The following STK3 variants were observed in gnomAD, a reference collection of about 807,000 sequenced individuals.
The protein encoded by STK3 is serine/threonine-protein kinase 3.
Under a neutral mutation model 58.0 loss-of-function variants are expected in STK3, and 41 were observed. That is an observed-to-expected ratio of 0.71 (90% CI 0.55 to 0.92). The LOEUF is 0.92. Among genes scored for constraint, STK3 ranks in the 40% least tolerant of loss-of-function variants. The pLI, the probability that STK3 is intolerant of heterozygous loss-of-function variation, is 0.00. For missense variants in STK3, 479 were observed against 602.7 expected, an observed-to-expected ratio of 0.79 and a Z score of 2.15; for synonymous variants, 170 against 191.0, an observed-to-expected ratio of 0.89 and a Z score of 0.91.
chr8:98,368,017 C>A (rs916399465), downstream of STK3, among the ~76,000 whole-genome samples: 21 of 152,174 alleles, frequency 1.4e-4, no homozygotes, highest in African/African-American at 5.1e-4. Flanking sequence ...TGCGCTGTGT[C>A]ATTGACAGCT....
intron 6 of STK3, among the ~76,000 whole-genome samples, chr8:98,605,707 T>C (rs1816718880): frequency 1.3e-5 from 2 of 152,186 alleles, no homozygotes; most frequent in African/African-American, 4.8e-5. Flanking sequence ...AAGTACAATA[T>C]GGCTTGGCTC....
At chr8:98,848,614 T>C (rs1331074548) in intron 3 of STK3, among the ~76,000 whole-genome samples, 1 of 152,232 alleles carries the variant, frequency 6.6e-6, no homozygotes, top group Non-Finnish European at 1.5e-5. Flanking sequence ...ATGTGGTGCT[T>C]TGTGACTGGC....
intron 1 of STK3, among the ~76,000 whole-genome samples, chr8:98,924,891 A>G (rs1485889358): frequency 6.6e-6 from 1 of 152,222 alleles, no homozygotes; most frequent in African/African-American, 2.4e-5. Flanking sequence ...CACTGTGCCC[A>G]TAAAATGCCT....
At chr8:98,780,164 TATTATA>T (rs1281522537) in intron 1 of STK3, among the ~76,000 whole-genome samples, 3 of 151,570 alleles carry the variant, frequency 2.0e-5, no homozygotes, top group East Asian at 1.9e-4. Flanking sequence ...ATATTTTACC[TATTATA>T]ATTATATGTT....
intron 10 of STK3, among the ~76,000 whole-genome samples, chr8:98,488,252 T>C (rs998879821): frequency 6.6e-6 from 1 of 152,220 alleles, no homozygotes; most frequent in Admixed American, 6.5e-5. Flanking sequence ...ATAGAGCTGC[T>C]GGCAAAAGTG....
intron 6 of STK3, among the ~76,000 whole-genome samples, chr8:98,693,354 C>T (rs567908312): frequency 1.3e-5 from 2 of 151,964 alleles, no homozygotes; most frequent in East Asian, 3.9e-4. Flanking sequence ...GCCATGTTCA[C>T]GCCACTCCAG....
chr8:98,621,594 C>A (rs1282636881), intron 6 of STK3, among the ~76,000 whole-genome samples: 1 of 152,088 alleles, frequency 6.6e-6, no homozygotes, highest in African/African-American at 2.4e-5. Flanking sequence ...ATTCTGAGAT[C>A]ATTCAATACC....
At chr8:98,395,992 A>G (rs190170321) in intron 3 of STK3, among the ~76,000 whole-genome samples, 46 of 152,338 alleles carry the variant, frequency 3.0e-4, no homozygotes, top group Non-Finnish European at 1.8e-4. Flanking sequence ...TACCATCCAG[A>G]TCTATACAAC....
chr8:98,350,478 C>T, the STK3 span, among the ~76,000 whole-genome samples: 1 of 152,284 alleles, frequency 6.6e-6, no homozygotes, highest in Non-Finnish European at 1.5e-5. Flanking sequence ...AAGTTGTTTC[C>T]ACATTTTCGG....
chr8:98,457,396 T>C (rs17311904), intron 10 of STK3, among the ~76,000 whole-genome samples: 2 of 152,172 alleles, frequency 1.3e-5, no homozygotes, highest in East Asian at 1.9e-4. Flanking sequence ...CACAACCACA[T>C]TTCCCAAGAA....
intron 7 of STK3, among the ~76,000 whole-genome samples, chr8:98,582,371 T>C (rs1813991993): frequency 6.6e-6 from 1 of 152,076 alleles, no homozygotes; most frequent in Non-Finnish European, 1.5e-5. Context: ...TTGCCATTCA[T>C]GCATTTTTTA....
At chr8:98,397,773 T>C (rs1221032701), downstream of STK3, among the ~76,000 whole-genome samples, 1 of 152,134 alleles carries the variant, frequency 6.6e-6, no homozygotes, top group African/African-American at 2.4e-5. Flanking sequence ...GTTCTCATGA[T>C]AGTGAGTGAG....
chr8:98,824,541 G>T (rs1429822705), intron 1 of STK3, among the ~76,000 whole-genome samples: 1 of 152,172 alleles, frequency 6.6e-6, no homozygotes, highest in Non-Finnish European at 1.5e-5. Context: ...TGCTAGAAAA[G>T]AATCTATCAA....
intron 6 of STK3, among the ~76,000 whole-genome samples, chr8:98,614,194 G>A (rs1257380422): frequency 2.0e-5 from 3 of 152,046 alleles, no homozygotes; most frequent in Non-Finnish European, 2.9e-5. Context: ...AAAATTTATA[G>A]AATACCCCAC....
At chr8:98,358,279 G>A in the STK3 span, among the ~76,000 whole-genome samples, 25 of 152,276 alleles carry the variant, frequency 1.6e-4, no homozygotes, top group Non-Finnish European at 1.6e-4. Flanking sequence ...CCAGCAGGGG[G>A]AGCTCTTCCC....
At chr8:98,742,166 G>C (rs1266708319) in intron 4 of STK3, among the ~76,000 whole-genome samples, 2 of 151,796 alleles carry the variant, frequency 1.3e-5, no homozygotes, top group African/African-American at 4.8e-5. Context: ...GGAGGAACTG[G>C]TACCATTCCT....
At chr8:98,866,907 A>G (rs1248715174) in intron 3 of STK3, among the ~76,000 whole-genome samples, 1 of 152,136 alleles carries the variant, frequency 6.6e-6, no homozygotes, top group Non-Finnish European at 1.5e-5. Context: ...GGGGAGGGGC[A>G]GAATTTTGGA....
intron 2 of STK3, 122 bp downstream of exon 2, chr8:98,774,617 T>C: frequency 1.6e-6 from 1 of 630,672 alleles, no homozygotes; most frequent in South Asian, 3.8e-5. Context: ...CCTGCCAAGT[T>C]TAATTACTAT....
chr8:98,477,797 G>A (rs1295680065), intron 10 of STK3, among the ~76,000 whole-genome samples: 1 of 143,518 alleles, frequency 7.0e-6, no homozygotes, highest in African/African-American at 2.6e-5. Context: ...GTCTGTTTCA[G>A]GGCATCTCAG....
Sources: gnomAD v4.1 joint callset for allele counts (sites outside exome capture counted in the v4.1 genomes callset) on GRCh38, gnomAD v4.1.1 for gene constraint, MANE v1.5 for transcripts, NCBI Gene and HGNC (gene_info 2026-07-23, HGNC 2026-07-21) for gene names.